Variants in CSMD2 observed in about 807,000 individuals in gnomAD.
CSMD2 encodes the protein CUB and Sushi multiple domains 2, also known as CUB and sushi domain-containing protein 2.
In CSMD2, 130 loss-of-function variants were observed where a neutral mutation model predicts 398.5. The ratio of observed to expected loss-of-function variants is 0.33; its 90% confidence interval spans 0.28 to 0.38. The LOEUF is 0.38. CSMD2 is among the 10% of genes least tolerant of loss of function. CSMD2 has a pLI of 1.00. For missense variants in CSMD2, 3,829 were observed against 4,764.9 expected (o/e 0.80, Z 5.78); for synonymous variants, 1,828 against 1,908.5 (o/e 0.96, Z 1.10).
intron 3 of CSMD2, among the ~76,000 whole-genome samples, chr1:34,011,916 A>G (rs1444491360): frequency 1.3e-5 from 2 of 152,060 alleles, no homozygotes; most frequent in Non-Finnish European, 2.9e-5. Context: ...GCACGTTCTG[A>G]GTGACGAGAT....
Position 33,633,501 on chromosome 1 carries a change from G to T in CSMD2, c.5121C>A (p.Ala1707=). The change falls in exon 32 of 71, where the codon GCC becomes GCA. Residue 1707 remains alanine, a synonymous_variant. Transcript: ENST00000373381. The surrounding 1 kb of genome is among the most constrained non-coding windows in gnomAD (Gnocchi z 5.0). ...CGTGAACCTCCACCACGTCGTTGAG[G>T]GCCGTGTGAAAGAAGGCGAACTGGC... The part of the protein sequence containing the change: ...VFGQFAFFHT[A]LNDVVEVHDG... 6.4e-7 allele frequency: 1 copy of T among 1,553,596 alleles called. No homozygotes were observed. The highest frequency in any genetic ancestry group is 1.2e-5 in the South Asian group (1 of 84,130).
chr1:33,840,532 T>C (rs917226251), intron 6 of CSMD2, among the ~76,000 whole-genome samples: 2 of 152,220 alleles, frequency 1.3e-5, no homozygotes, highest in Non-Finnish European at 1.5e-5. Context: ...CTTGTGCATC[T>C]ATATTCTGTG....
chr1:33,996,680 T>C (rs1161891581), intron 3 of CSMD2, among the ~76,000 whole-genome samples: 1 of 150,990 alleles, frequency 6.6e-6, no homozygotes, highest in East Asian at 2.0e-4. Flanking sequence ...TCAAATTAGA[T>C]AAATCATGGA....
rs1256562626 is a variant in CSMD2 at position 33,848,825 on chromosome 1, T to C, written c.921-1829A>G. Among the ~76,000 whole-genome samples the C allele has an allele frequency of 6.0e-5, 9 of 151,014 alleles. No homozygotes were observed. In the East Asian group the frequency reaches 1.7e-3, roughly 29 times the overall value. On this transcript the variant is annotated intron_variant, in intron 5 of 70. Coordinates refer to ENST00000373381, the MANE Select transcript of CSMD2 (RefSeq NM_001281956.2). ...CGTATTGTGGGTTTTTTTTTTTTTT[T>C]CTCCAGGCCAAATTCAATTCTATCT... is the stretch of plus-strand genomic sequence containing the variant.
At chr1:33,963,145 C>A (rs1645427486) in intron 3 of CSMD2, among the ~76,000 whole-genome samples, 1 of 152,218 alleles carries the variant, frequency 6.6e-6, no homozygotes, top group Admixed American at 6.5e-5. Context: ...AAATGCAACC[C>A]CAGCCACACC....
chr1:34,047,658 T>A (rs1481607948), intron 2 of CSMD2, among the ~76,000 whole-genome samples: 2 of 152,152 alleles, frequency 1.3e-5, no homozygotes, highest in East Asian at 1.9e-4. Flanking sequence ...GACACAATTA[T>A]AATGCAATAT....
At chr1:34,003,122 A>G (rs998554483) in intron 3 of CSMD2, among the ~76,000 whole-genome samples, 1 of 151,386 alleles carries the variant, frequency 6.6e-6, no homozygotes, top group Non-Finnish European at 1.5e-5. Flanking sequence ...CTTCACACCA[A>G]CTCCCTCCTT....
chr1:34,027,993 C>T (rs1649897763), intron 3 of CSMD2, among the ~76,000 whole-genome samples: 1 of 152,136 alleles, frequency 6.6e-6, no homozygotes, highest in African/African-American at 2.4e-5. Context: ...ATTGTCAGTT[C>T]TAGCAACTGA....
chr1:33,616,605 G>A (rs980218088), intron 39 of CSMD2, among the ~76,000 whole-genome samples: 1 of 152,192 alleles, frequency 6.6e-6, no homozygotes, highest in African/African-American at 2.4e-5. Flanking sequence ...AGCCCAAAGT[G>A]CCTAGAAATT....
chr1:33,625,532 C>T (rs968769448), intron 33 of CSMD2, among the ~76,000 whole-genome samples: 8 of 152,174 alleles, frequency 5.3e-5, no homozygotes, highest in African/African-American at 1.9e-4. Flanking sequence ...TTTGCTTTCC[C>T]AACGACGCCC....
chr1:33,995,027 G>A (rs936490775), intron 3 of CSMD2, among the ~76,000 whole-genome samples: 27 of 149,372 alleles, frequency 1.8e-4, no homozygotes, highest in Non-Finnish European at 2.5e-4. Flanking sequence ...TCGCCCCACC[G>A]CACTCCAGCC....
intron 1 of CSMD2, among the ~76,000 whole-genome samples, chr1:34,100,564 C>A (rs933042723): frequency 1.3e-5 from 2 of 152,056 alleles, no homozygotes; most frequent in Admixed American, 6.6e-5. Context: ...CTGTTGATGG[C>A]CATTCAGGTC....
At chr1:33,542,961 A>T in intron 57 of CSMD2, 65 bp from the exon 58 acceptor site, 1 of 1,446,352 alleles carries the variant, frequency 6.9e-7, no homozygotes. Context: ...GGGACTGATA[A>T]CTGCCCAGAG....
chr1:33,526,756 T>C (rs1396213514), intron 65 of CSMD2, among the ~76,000 whole-genome samples: 1 of 152,242 alleles, frequency 6.6e-6, no homozygotes, highest in East Asian at 1.9e-4. Flanking sequence ...TGATAGTCTC[T>C]AAGAATTTGG....
chr1:33,919,685 C>A (rs1457071485), intron 4 of CSMD2, among the ~76,000 whole-genome samples: 1 of 152,142 alleles, frequency 6.6e-6, no homozygotes, highest in Non-Finnish European at 1.5e-5. Flanking sequence ...CCTTCAAATG[C>A]TTCTGAGGGA....
At chr1:33,876,621 G>C (rs532280215) in intron 5 of CSMD2, among the ~76,000 whole-genome samples, 1 of 152,206 alleles carries the variant, frequency 6.6e-6, no homozygotes, top group Non-Finnish European at 1.5e-5. Context: ...GAGACACAGA[G>C]AGGTTAGGCG....
At chr1:33,704,895 T>A (rs984800702) in intron 22 of CSMD2, among the ~76,000 whole-genome samples, 32 of 151,658 alleles carry the variant, frequency 2.1e-4, no homozygotes, top group African/African-American at 7.7e-4. Flanking sequence ...CCCAAGTAGC[T>A]GGGACTACAG....
intron 6 of CSMD2, among the ~76,000 whole-genome samples, chr1:33,836,643 G>T (rs541466303): frequency 6.6e-6 from 1 of 152,214 alleles, no homozygotes; most frequent in Admixed American, 6.5e-5. Flanking sequence ...AGGCTCCGTG[G>T]GTGTAGGACC....
In CSMD2 at chr1:34,163,957, G is replaced by A. The variant is rs753598514; in HGVS notation, c.187+954C>T. Among the ~76,000 whole-genome samples, 1 of 152,066 alleles carries A rather than the reference G, an allele frequency of 6.6e-6. No homozygotes were observed. Among genetic ancestry groups the A allele is most frequent in the Non-Finnish European group, 1.5e-5 (1 of 68,000 alleles). On this transcript the variant is annotated intron_variant, in intron 1 of 70. Coordinates refer to ENST00000373381, the MANE Select transcript of CSMD2 (RefSeq NM_001281956.2). The surrounding 1 kb of genome is among the most constrained non-coding windows in gnomAD (Gnocchi z 5.4). ...CCTCGAAGGTTCGCGTACCTCCCCC[G>A]CGCGCTGCAAGCTGCAGCCAGACAC...
Sources: allele counts gnomAD v4.1 joint callset (sites outside exome capture counted in the v4.1 genomes callset), GRCh38; gene constraint gnomAD v4.1.1; non-coding constraint Gnocchi (gnomAD v3.1); transcripts MANE v1.5; gene names NCBI Gene and HGNC (gene_info 2026-07-23, HGNC 2026-07-21).